KHDRBS3: variants seen among roughly 807,000 people sequenced by gnomAD.
KHDRBS3 encodes KH RNA binding domain containing, signal transduction associated 3.
In KHDRBS3, 23 loss-of-function variants were observed where a neutral mutation model predicts 45.6. The observed-to-expected ratio is 0.50, with a 90% CI of 0.36 to 0.72. The LOEUF (loss-of-function observed/expected upper bound fraction) is 0.72. Ranked by LOEUF, KHDRBS3 falls within the 30% of genes least tolerant of loss-of-function variation. The probability of loss-of-function intolerance (pLI) is 0.00; values close to 1 mark genes in which losing one functional copy is unlikely to be tolerated. For missense variants in KHDRBS3, 352 were observed against 424.8 expected, an observed-to-expected ratio of 0.83 and a Z score of 1.51; for synonymous variants, 162 against 156.5, an observed-to-expected ratio of 1.04 and a Z score of -0.26.
chr8:135,469,535 T>TTTTTTTTTA (rs1821897723), intron 1 of KHDRBS3, among the ~76,000 whole-genome samples: 2 of 89,226 alleles, frequency 2.2e-5, no homozygotes, highest in African/African-American at 8.5e-5. Flanking sequence ...TTTTTTTTTT[T>TTTTTTTTTA]TTTTTTTTTT....
At chr8:135,581,815 A>T (rs1828222757) in intron 5 of KHDRBS3, 63 bp from the exon 6 acceptor site, 1 of 1,211,850 alleles carries the variant, frequency 8.3e-7, no homozygotes, top group African/African-American at 1.5e-5. Context: ...GTATAAATAT[A>T]TGTGAATAAC....
intron 6 of KHDRBS3, among the ~76,000 whole-genome samples, chr8:135,600,784 C>T (rs907585651): frequency 1.3e-5 from 2 of 152,150 alleles, no homozygotes; most frequent in Non-Finnish European, 2.9e-5. Flanking sequence ...CTGCAGCCTC[C>T]GCCTCCCGGG....
intron 1 of KHDRBS3, among the ~76,000 whole-genome samples, chr8:135,488,027 A>G (rs1822952017): frequency 2.0e-5 from 3 of 152,228 alleles, no homozygotes; most frequent in African/African-American, 4.8e-5. Flanking sequence ...CTGTGTGTGC[A>G]TGTGCATAGG....
intron 1 of KHDRBS3, among the ~76,000 whole-genome samples, chr8:135,482,459 A>G (rs1356690024): frequency 1.3e-5 from 2 of 152,156 alleles, no homozygotes; most frequent in Non-Finnish European, 2.9e-5. Context: ...GCTCTTGGTT[A>G]CCAGACTGGT....
At chr8:135,510,983 T>C (rs111393618) in intron 1 of KHDRBS3, among the ~76,000 whole-genome samples, 28 of 152,350 alleles carry the variant, frequency 1.8e-4, no homozygotes, top group African/African-American at 6.0e-4. Flanking sequence ...TATATTTGCT[T>C]TGTGTGTTGT....
intron 1 of KHDRBS3, among the ~76,000 whole-genome samples, chr8:135,489,516 A>G (rs1823032426): frequency 6.6e-6 from 1 of 152,120 alleles, no homozygotes; most frequent in Non-Finnish European, 1.5e-5. Context: ...TGTCTCTACT[A>G]AAAATACAAA....
intron 4 of KHDRBS3, among the ~76,000 whole-genome samples, chr8:135,554,563 C>A (rs1049958456): frequency 6.6e-6 from 1 of 152,050 alleles, no homozygotes; most frequent in African/African-American, 2.4e-5. Context: ...GTCACAATAC[C>A]TGAAATAAGT....
At chr8:135,515,031 A>T (rs1435045011) in intron 1 of KHDRBS3, among the ~76,000 whole-genome samples, 1 of 152,086 alleles carries the variant, frequency 6.6e-6, no homozygotes, top group Non-Finnish European at 1.5e-5. Flanking sequence ...GCTCAGATGG[A>T]TATTTTTGTA....
intron 1 of KHDRBS3, among the ~76,000 whole-genome samples, chr8:135,487,285 G>A (rs1187546321): frequency 1.3e-5 from 2 of 152,176 alleles, no homozygotes; most frequent in Non-Finnish European, 2.9e-5. Context: ...TACTTATTTA[G>A]TAAGTAGCTT....
At chr8:135,608,970 G>A (rs1328001882) in intron 7 of KHDRBS3, among the ~76,000 whole-genome samples, 4 of 152,192 alleles carry the variant, frequency 2.6e-5, no homozygotes, top group Non-Finnish European at 5.9e-5. Context: ...CATGAATGCA[G>A]CTCGAAGGAC....
At chr8:135,506,459 A>G (rs1824000639) in intron 1 of KHDRBS3, among the ~76,000 whole-genome samples, 1 of 143,340 alleles carries the variant, frequency 7.0e-6, no homozygotes, top group African/African-American at 2.6e-5. Flanking sequence ...GCTGGAGTGT[A>G]GTGGCGCTGT....
chr8:135,575,387 C>T (rs931891648), intron 5 of KHDRBS3, among the ~76,000 whole-genome samples: 6 of 152,000 alleles, frequency 3.9e-5, no homozygotes, highest in Non-Finnish European at 5.9e-5. Context: ...ACCTGCACAG[C>T]GATGCCACAC....
chr8:135,576,908 A>G (rs1426315729), intron 5 of KHDRBS3, among the ~76,000 whole-genome samples: 1 of 152,144 alleles, frequency 6.6e-6, no homozygotes, highest in Admixed American at 6.5e-5. Flanking sequence ...TCTGATTTTA[A>G]TCTGTTCCCA....
chr8:135,519,413 C>G (rs1022921368), intron 1 of KHDRBS3, among the ~76,000 whole-genome samples: 10 of 152,136 alleles, frequency 6.6e-5, no homozygotes, highest in African/African-American at 2.4e-4. Context: ...CTCCGGCTAC[C>G]CAGATTTCTG....
Position 135,595,726 on chromosome 8 carries a change from G to T in KHDRBS3, c.808-11229G>T, listed in dbSNP as rs1828943716. ...CATCTGGCACATCATTCCAAGAGGG[G>T]CTGTTGTTCTCAAGGAAGAGCACTT... is the stretch of plus-strand genomic sequence containing the variant. On this transcript the variant is annotated intron_variant, in intron 6 of 8. Coordinates refer to ENST00000355849, the MANE Select transcript of KHDRBS3 (RefSeq NM_006558.3). Among the ~76,000 whole-genome samples the T allele has an allele frequency of 2.6e-5, 4 of 152,158 alleles. No individual in the cohort carries two copies. In the South Asian group the frequency reaches 8.3e-4, roughly 31 times the overall value.
chr8:135,503,022 A>T (rs371508700), intron 1 of KHDRBS3, among the ~76,000 whole-genome samples: 1 of 152,160 alleles, frequency 6.6e-6, no homozygotes, highest in East Asian at 1.9e-4. Context: ...GCTATATTTG[A>T]CTGCACAGAC....
chr8:135,527,500 A>G (rs1001987531), intron 2 of KHDRBS3, among the ~76,000 whole-genome samples: 2 of 152,234 alleles, frequency 1.3e-5, no homozygotes, highest in Non-Finnish European at 2.9e-5. Context: ...GTTGTAAGGG[A>G]GCAGAATGTG....
rs562814455 is a variant in KHDRBS3, at chr8:135,473,052, G to A, written c.88+15098G>A. On this transcript the variant is annotated intron_variant, in intron 1 of 8. Transcript: ENST00000355849. ...ATTTGAAAAGTTTTTTTTTTTTTTT[G>A]GTGATGCATTTTTTAAGTAGGAATC... Among the ~76,000 whole-genome samples the A allele has an allele frequency of 6.9e-3, 925 of 133,164 alleles. 11 individuals are homozygous for A. Among genetic ancestry groups the A allele is most frequent in the African/African-American group, 0.024 (847 of 35,890 alleles). 87.4% of individuals were successfully genotyped at this position (133,164 alleles called of 152,430 possible).
At chr8:135,551,390 T>C (rs545005239) in intron 4 of KHDRBS3, among the ~76,000 whole-genome samples, 12 of 152,344 alleles carry the variant, frequency 7.9e-5, no homozygotes, top group Admixed American at 7.8e-4. Flanking sequence ...TTTTTATTGC[T>C]ACCCTTTGTC....
Sources: allele counts gnomAD v4.1 joint callset (sites outside exome capture counted in the v4.1 genomes callset), GRCh38; gene constraint gnomAD v4.1.1; transcripts MANE v1.5; gene names NCBI Gene and HGNC (gene_info 2026-07-23, HGNC 2026-07-21).